Variants in KCNMA1 observed in about 807,000 individuals in gnomAD.
KCNMA1 encodes potassium calcium-activated channel subfamily M alpha 1, also known as Calcium-activated potassium channel subunit alpha-1.
Under a neutral mutation model 140.0 loss-of-function variants are expected in KCNMA1, and 29 were observed. The observed-to-expected ratio is 0.21, with a 90% CI of 0.15 to 0.28. The LOEUF is 0.28. KCNMA1 is among the 10% of genes least tolerant of loss of function. The pLI is 1.00. For missense variants in KCNMA1, 880 were observed against 1,602.2 expected (o/e 0.55, Z 7.70); for synonymous variants, 612 against 611.9 (o/e 1.00, Z 0.00).
intron 14 of KCNMA1, among the ~76,000 whole-genome samples, chr10:77,042,147 A>T (rs900452796): frequency 6.6e-6 from 1 of 152,164 alleles, no homozygotes; most frequent in South Asian, 2.1e-4. Flanking sequence ...GTTTATCTAC[A>T]AATTGGCCTT....
rs113281855 is a variant in KCNMA1 at position 76,997,046 on chromosome 10, C to T, written c.2266+4361G>A. On this transcript the variant is annotated intron_variant, in intron 19 of 27. Transcript: ENST00000286628. ...CCCTTGTATCTGATTTTATGTACTT[C>T]AAAATGCCATTAGTTCACTTAAGTG... Among the ~76,000 whole-genome samples the T allele has an allele frequency of 7.1e-4, 108 of 152,256 alleles. 1 individual carries two copies. The highest frequency in any genetic ancestry group is 2.5e-3 in the African/African-American group (103 of 41,546).
At chr10:77,424,392 G>T (rs2096931047) in intron 1 of KCNMA1, among the ~76,000 whole-genome samples, 1 of 152,170 alleles carries the variant, frequency 6.6e-6, no homozygotes, top group South Asian at 2.1e-4. Context: ...AGAGGTCAAG[G>T]CACCTGCCCA....
chr10:77,191,089 T>A (rs1261119432), intron 3 of KCNMA1, among the ~76,000 whole-genome samples: 1 of 152,144 alleles, frequency 6.6e-6, no homozygotes, highest in African/African-American at 2.4e-5. Context: ...AGAGAGTAGG[T>A]CTAAGTGATT....
intron 3 of KCNMA1, among the ~76,000 whole-genome samples, chr10:77,243,250 G>C (rs558609062): frequency 6.6e-6 from 1 of 152,264 alleles, no homozygotes; most frequent in South Asian, 2.1e-4. Flanking sequence ...CACTGCCCTT[G>C]TGTTTGGATT....
chr10:77,220,591 T>A (rs2049285733), intron 3 of KCNMA1, among the ~76,000 whole-genome samples: 1 of 152,168 alleles, frequency 6.6e-6, no homozygotes, highest in African/African-American at 2.4e-5. Context: ...AAAGGGGCCA[T>A]TCTAATAGTG....
intron 1 of KCNMA1, among the ~76,000 whole-genome samples, chr10:77,520,115 A>C (rs1223426402): frequency 3.8e-4 from 56 of 148,714 alleles, no homozygotes; most frequent in Admixed American, 6.7e-4. Context: ...GTGCAGTGTG[A>C]GGTCCGGGGT....
chr10:77,445,818 C>T (rs1163969943), intron 1 of KCNMA1, among the ~76,000 whole-genome samples: 4 of 152,206 alleles, frequency 2.6e-5, no homozygotes, highest in South Asian at 2.1e-4. Flanking sequence ...GCGATGGGGC[C>T]GCTCTATCTC....
chr10:77,401,002 T>C (rs563364406), intron 2 of KCNMA1, among the ~76,000 whole-genome samples: 1 of 151,954 alleles, frequency 6.6e-6, no homozygotes, highest in South Asian at 2.1e-4. Context: ...TCTGCTCCCA[T>C]GCCATCACTA....
chr10:77,600,476 C>G (rs2082265418), intron 1 of KCNMA1, among the ~76,000 whole-genome samples: 1 of 152,172 alleles, frequency 6.6e-6, no homozygotes, highest in South Asian at 2.1e-4. Context: ...AGGCCGGGCA[C>G]AGTGGCTTAT....
At chr10:77,196,995 C>A in intron 3 of KCNMA1, among the ~76,000 whole-genome samples, 1 of 151,790 alleles carries the variant, frequency 6.6e-6, no homozygotes, top group Middle Eastern at 3.2e-3. Flanking sequence ...GAAAAGAAAG[C>A]AGTTTTAAAG....
intron 6 of KCNMA1, among the ~76,000 whole-genome samples, chr10:77,116,328 CTG>C (rs952423757): frequency 2.0e-4 from 30 of 152,266 alleles, no homozygotes; most frequent in African/African-American, 7.0e-4. Context: ...TTCCAAGAAA[CTG>C]TGGATGCTGC....
In KCNMA1 at chr10:77,637,760, C is replaced by A; in HGVS notation, c.-118G>T. On this transcript the variant is annotated 5_prime_UTR_variant, in exon 1 of 28. Transcript: ENST00000286628. Reference sequence around the variant, plus strand: ...ACTGCTGCCGCCGCCGCCGCCGCCGCGGAGCGCGGGAGGGGGGCGGGGAGG... The same window carrying A: ...ACTGCTGCCGCCGCCGCCGCCGCCGAGGAGCGCGGGAGGGGGGCGGGGAGG... 1 of 1,308,036 alleles carries A rather than the reference C, an allele frequency of 7.6e-7. No homozygotes were observed. Among genetic ancestry groups the A allele is most frequent in the Non-Finnish European group, 9.6e-7 (1 of 1,040,828 alleles). The allele number at this position is 1,308,036 out of a possible 1,614,324, so 81.0% of individuals were successfully genotyped here.
chr10:77,492,146 G>A lies in KCNMA1; in HGVS notation c.379-88123C>T, dbSNP rs11594764. ...AACCTTCAGTGCTTGCCGACAGAGT[G>A]CAGGTGAAAATCCACACTGCTAATG... On this transcript the variant is annotated intron_variant, in intron 1 of 27. Coordinates refer to ENST00000286628, the MANE Select transcript of KCNMA1 (RefSeq NM_001161352.2). Among the ~76,000 whole-genome samples, 3 of 152,320 alleles carry A rather than the reference G, an allele frequency of 2.0e-5. No individual in the cohort carries two copies. The South Asian group carries it at 6.2e-4, about 32-fold the overall frequency.
intron 21 of KCNMA1, chr10:76,952,001 G>T: frequency 1.3e-6 from 2 of 1,542,782 alleles, no homozygotes; most frequent in Non-Finnish European, 1.8e-6. Context: ...TTTGTTAAAT[G>T]ATGTTATTTT....
At chr10:77,495,888 G>A (rs1041676063) in intron 1 of KCNMA1, among the ~76,000 whole-genome samples, 3 of 152,114 alleles carry the variant, frequency 2.0e-5, no homozygotes, top group Non-Finnish European at 4.4e-5. Flanking sequence ...GTACCCCCGC[G>A]GTTCCTCCCT....
intron 2 of KCNMA1, among the ~76,000 whole-genome samples, chr10:77,365,633 G>A (rs1379058834): frequency 6.6e-6 from 1 of 152,132 alleles, no homozygotes; most frequent in Non-Finnish European, 1.5e-5. Context: ...GCCACGTTTT[G>A]TTTCCTCTTT....
chr10:77,258,371 CA>C (rs913582412), intron 2 of KCNMA1, among the ~76,000 whole-genome samples: 11 of 152,234 alleles, frequency 7.2e-5, no homozygotes, highest in African/African-American at 2.4e-4. Flanking sequence ...TGCAGAATGT[CA>C]TCCCACAAAA....
intron 1 of KCNMA1, among the ~76,000 whole-genome samples, chr10:77,611,789 C>A (rs2086996015): frequency 6.6e-6 from 1 of 152,100 alleles, no homozygotes; most frequent in African/African-American, 2.4e-5. Flanking sequence ...TTGCTGTGTG[C>A]AAAATCAGTG....
rs559806639 is a variant in KCNMA1 at position 77,376,411 on chromosome 10, A to G, written c.540+27451T>C. 3.3e-5 allele frequency: 5 copies of G among 152,290 alleles called. No individual in the cohort carries two copies. In the East Asian group the frequency reaches 9.7e-4, roughly 29 times the overall value. 9.4% of individuals were successfully genotyped at this position (152,290 alleles called of 1,614,324 possible). Reference sequence around the variant, plus strand: ...CCCTGTAATGGAACAGTGCCCACTAATGTTTATTTTATCCCAGGAGTCACA... The same window carrying G: ...CCCTGTAATGGAACAGTGCCCACTAGTGTTTATTTTATCCCAGGAGTCACA... On this transcript the variant is annotated intron_variant, in intron 2 of 27. Transcript: ENST00000286628.
Sources: allele counts gnomAD v4.1 joint callset (sites outside exome capture counted in the v4.1 genomes callset), GRCh38; gene constraint gnomAD v4.1.1; transcripts MANE v1.5; gene names NCBI Gene and HGNC (gene_info 2026-07-23, HGNC 2026-07-21).